The following NAV2 variants were observed in gnomAD, a reference collection of about 807,000 sequenced individuals.
NAV2 encodes neuron navigator 2.
In NAV2, 54 loss-of-function variants were observed where a neutral mutation model predicts 223.2. The ratio of observed to expected loss-of-function variants is 0.24; its 90% CI spans 0.19 to 0.30. NAV2 has a LOEUF of 0.30. NAV2 is among the 10% of genes least tolerant of loss of function. The pLI is 1.00. For missense variants in NAV2, 2,806 were observed against 3,147.5 expected, an observed-to-expected ratio of 0.89 and a Z score of 2.60; for synonymous variants, 1,279 against 1,239.3, an observed-to-expected ratio of 1.03 and a Z score of -0.67.
intron 3 of NAV2, among the ~76,000 whole-genome samples, chr11:19,858,642 C>A (rs1240519065): frequency 6.6e-6 from 1 of 152,136 alleles, no homozygotes; most frequent in Non-Finnish European, 1.5e-5. Flanking sequence ...TCATAATGGA[C>A]TCTTGACTCT....
At chr11:19,608,439 G>T (rs7131528) in intron 1 of NAV2, among the ~76,000 whole-genome samples, 152,075 of 152,402 alleles carry the variant, frequency 1, 75,875 homozygotes, top group Middle Eastern at 1. Flanking sequence ...AATGATACCC[G>T]TGATGTTTTT....
intron 1 of NAV2, among the ~76,000 whole-genome samples, chr11:19,750,781 G>T (rs1184010073): frequency 6.6e-6 from 1 of 152,164 alleles, no homozygotes; most frequent in East Asian, 1.9e-4. Flanking sequence ...TTCCCTTTGA[G>T]AATTCATTTC....
rs141520682 is a variant in NAV2 at position 19,934,380 on chromosome 11, A to G, written c.2033+103A>G. 213 of 1,350,006 alleles carry G rather than the reference A, an allele frequency of 1.6e-4. 1 individual carries two copies. In the African/African-American group the frequency reaches 2.8e-3, roughly 18 times the overall value. 83.6% of individuals were successfully genotyped at this position (1,350,006 alleles called of 1,614,324 possible). A position where few individuals can be genotyped will look rare whatever the true frequency, so the allele number is the denominator to read the frequency against. ...GCAGAAGCTAGACTGTGCTCCAGGA[A>G]TACTTAAGTCAGTAGCTAAGAAACC... On this transcript the variant is annotated intron_variant, in intron 7 of 37. Coordinates refer to ENST00000349880, the MANE Select transcript of NAV2 (RefSeq NM_145117.5).
intron 3 of NAV2, among the ~76,000 whole-genome samples, chr11:19,851,300 A>G (rs2249178): frequency 0.18 from 27,182 of 152,106 alleles, 2,864 homozygotes; most frequent in South Asian, 0.38. Flanking sequence ...GGAATTGATT[A>G]AAGAAGAAAA....
At chr11:19,937,848 C>T (rs551708467) in intron 7 of NAV2, among the ~76,000 whole-genome samples, 3 of 152,262 alleles carry the variant, frequency 2.0e-5, no homozygotes, top group Admixed American at 6.5e-5. Flanking sequence ...TTTACATTTT[C>T]GCCAACAGGA....
intron 1 of NAV2, among the ~76,000 whole-genome samples, chr11:19,367,899 G>GCATT (rs1209037911): frequency 6.6e-6 from 1 of 152,140 alleles, no homozygotes; most frequent in Non-Finnish European, 1.5e-5. Flanking sequence ...ACTCTTATGT[G>GCATT]CATTCATTCA....
chr11:19,667,984 CA>C (rs1284271560), intron 1 of NAV2, among the ~76,000 whole-genome samples: 3 of 152,248 alleles, frequency 2.0e-5, no homozygotes, highest in African/African-American at 7.2e-5. Context: ...AGGTCCCTTG[CA>C]GCCTGTCTTA....
intron 10 of NAV2, 69 bp from the exon 11 acceptor site, chr11:19,984,056 A>T (rs1474205735): frequency 6.2e-6 from 10 of 1,605,082 alleles, no homozygotes; most frequent in Non-Finnish European, 7.7e-6. Flanking sequence ...AGGCTTCTGG[A>T]TATGAATGCA....
chr11:19,644,004 A>G (rs2047744388), intron 1 of NAV2, among the ~76,000 whole-genome samples: 1 of 152,200 alleles, frequency 6.6e-6, no homozygotes, highest in Non-Finnish European at 1.5e-5. Context: ...ATGCATAAGT[A>G]TCTTGGGTTA....
intron 1 of NAV2, among the ~76,000 whole-genome samples, chr11:19,465,897 T>C (rs1156724348): frequency 6.6e-6 from 1 of 152,190 alleles, no homozygotes; most frequent in Admixed American, 6.5e-5. Flanking sequence ...AGGCATGAGC[T>C]CAGAAGGGAA....
At chr11:19,870,668 T>G (rs940688248) in intron 4 of NAV2, among the ~76,000 whole-genome samples, 2 of 152,230 alleles carry the variant, frequency 1.3e-5, no homozygotes, top group African/African-American at 4.8e-5. Context: ...CCAATTGTAC[T>G]TTGCAGGATT....
At chr11:20,030,515 TTATTCAGGCAACAGATTACACTTACC>T (rs1328868783) in intron 11 of NAV2, among the ~76,000 whole-genome samples, 1 of 152,218 alleles carries the variant, frequency 6.6e-6, no homozygotes, top group Non-Finnish European at 1.5e-5. Flanking sequence ...AATTAGTACT[TTATTCAGGCAACAGATTACACTTACC>T]TACAAAATTA....
intron 1 of NAV2, among the ~76,000 whole-genome samples, chr11:19,523,671 C>T (rs1283892294): frequency 6.6e-6 from 1 of 152,232 alleles, no homozygotes; most frequent in African/African-American, 2.4e-5. Context: ...AGGGCCCCCA[C>T]ATTGACTTAA....
At position 20,118,381 on chromosome 11, in the gene NAV2, C is replaced by T; in HGVS notation, c.*123C>T. 8.7e-7 allele frequency: 1 copy of T among 1,148,262 alleles called. No homozygotes were observed. The highest frequency in any genetic ancestry group is 1.4e-5 in the South Asian group (1 of 69,536). The allele number at this position is 1,148,262 out of a possible 1,614,324, so 71.1% of individuals were successfully genotyped here. ...CCACAGCCTTAGAGCTGCGGGAACACCGAGACCCCCCGTCCTTCAGCCTCG... is the reference window on the plus strand; with the variant it reads ...CCACAGCCTTAGAGCTGCGGGAACATCGAGACCCCCCGTCCTTCAGCCTCG... On this transcript the variant is annotated 3_prime_UTR_variant, in exon 38 of 38. Transcript: ENST00000349880.
intron 1 of NAV2, among the ~76,000 whole-genome samples, chr11:19,502,519 A>G (rs1447096425): frequency 6.6e-5 from 10 of 152,308 alleles, no homozygotes; most frequent in Non-Finnish European, 2.9e-5. Flanking sequence ...TGGGGCTAAG[A>G]ATAAGAAGTC....
At chr11:19,555,453 G>GA (rs927410132) in intron 1 of NAV2, among the ~76,000 whole-genome samples, 1 of 152,086 alleles carries the variant, frequency 6.6e-6, no homozygotes, top group African/African-American at 2.4e-5. Flanking sequence ...ACCTGGGGGG[G>GA]GCTCTGGGCA....
intron 1 of NAV2, among the ~76,000 whole-genome samples, chr11:19,377,565 A>G (rs1188760698): frequency 6.6e-6 from 1 of 152,172 alleles, no homozygotes; most frequent in Non-Finnish European, 1.5e-5. Context: ...TTATTTCCAT[A>G]TTCCCAGTAT....
intron 6 of NAV2, among the ~76,000 whole-genome samples, chr11:19,928,766 C>T (rs2045029781): frequency 6.6e-6 from 1 of 152,172 alleles, no homozygotes; most frequent in South Asian, 2.1e-4. Context: ...AGAGAAATAG[C>T]TCATCCTCTT....
At chr11:19,495,928 CAG>C (rs976793843) in intron 1 of NAV2, among the ~76,000 whole-genome samples, 1 of 152,022 alleles carries the variant, frequency 6.6e-6, no homozygotes, top group African/African-American at 2.4e-5. Context: ...GGAAAAAGGA[CAG>C]AGGATGCGGG....
Sources: allele counts gnomAD v4.1 joint callset (sites outside exome capture counted in the v4.1 genomes callset), GRCh38; gene constraint gnomAD v4.1.1; transcripts MANE v1.5; gene names NCBI Gene and HGNC (gene_info 2026-07-23, HGNC 2026-07-21).